Variants in AGBL2 observed in about 807,000 individuals in gnomAD.
The protein encoded by AGBL2 is cytosolic carboxypeptidase 2.
Under a neutral mutation model 103.0 loss-of-function variants are expected in AGBL2, and 87 were observed. The observed-to-expected ratio is 0.84, with a 90% CI of 0.71 to 1.01. The LOEUF is 1.01. Among genes scored for constraint, AGBL2 ranks in the 50% least tolerant of loss-of-function variants. The pLI, the probability that AGBL2 is intolerant of heterozygous loss-of-function variation, is 0.00. For synonymous variants in AGBL2, 335 were observed against 356.7 expected (o/e 0.94, Z 0.69); for missense variants, 904 against 1,023.5 (o/e 0.88, Z 1.59).
At chr11:47,712,967 G>A (rs902662126) in intron 3 of AGBL2, among the ~76,000 whole-genome samples, 5 of 151,480 alleles carry the variant, frequency 3.3e-5, no homozygotes, top group African/African-American at 4.9e-5. Flanking sequence ...GCTTGACCCC[G>A]CGAGGTGGAA....
chr11:47,681,531 G>T (rs2097401139), intron 12 of AGBL2, among the ~76,000 whole-genome samples: 1 of 152,106 alleles, frequency 6.6e-6, no homozygotes, highest in African/African-American at 2.4e-5. Context: ...GCAATGGCAC[G>T]ATCTTGGCTC....
chr11:47,687,640 T>A (rs770783913), intron 10 of AGBL2, among the ~76,000 whole-genome samples: 1 of 152,034 alleles, frequency 6.6e-6, no homozygotes, highest in Non-Finnish European at 1.5e-5. Flanking sequence ...GCTCCCTCTT[T>A]GCCTTCTGCC....
At chr11:47,666,164 T>G (rs2097340716) in intron 17 of AGBL2, among the ~76,000 whole-genome samples, 1 of 151,668 alleles carries the variant, frequency 6.6e-6, no homozygotes, top group South Asian at 2.1e-4. Context: ...GAGGCCAAAG[T>G]GGGTGGATTA....
intron 4 of AGBL2, among the ~76,000 whole-genome samples, chr11:47,708,055 A>G (rs533882230): frequency 2.8e-4 from 43 of 151,358 alleles, no homozygotes; most frequent in Non-Finnish European, 4.4e-4. Flanking sequence ...ATTTGCCACC[A>G]TGTTCAGATT....
intron 8 of AGBL2, 24 bp from the exon 9 acceptor site, chr11:47,692,280 G>C: frequency 6.2e-7 from 1 of 1,610,420 alleles, no homozygotes; most frequent in Non-Finnish European, 8.5e-7. Context: ...ATATATTTAG[G>C]CTAGGTTCTA....
intron 4 of AGBL2, among the ~76,000 whole-genome samples, chr11:47,707,784 TA>T (rs1309152186): frequency 8.5e-5 from 13 of 152,280 alleles, no homozygotes; most frequent in Admixed American, 2.6e-4. Flanking sequence ...TCTCATAATT[TA>T]AAAAAATGGT....
chr11:47,712,119 G>A (rs181285627), intron 3 of AGBL2, among the ~76,000 whole-genome samples: 3 of 152,246 alleles, frequency 2.0e-5, no homozygotes, highest in African/African-American at 7.2e-5. Context: ...ACTTCATATT[G>A]CAAAAGTAAT....
intron 14 of AGBL2, among the ~76,000 whole-genome samples, chr11:47,676,859 A>C (rs1046320621): frequency 6.6e-6 from 1 of 151,160 alleles, no homozygotes; most frequent in East Asian, 1.9e-4. Flanking sequence ...TCAAACCATG[A>C]TATTTCTCTA....
At chr11:47,713,824 C>A (rs1302051213) in intron 3 of AGBL2, among the ~76,000 whole-genome samples, 1 of 151,840 alleles carries the variant, frequency 6.6e-6, no homozygotes, top group Non-Finnish European at 1.5e-5. Flanking sequence ...CTCCTGACCT[C>A]GTGCTCCACC....
At chr11:47,678,343 A>ATTTTTTTTTTTTTTTTTTTTTTTTTT (rs1440515781) in intron 13 of AGBL2, among the ~76,000 whole-genome samples, 3 of 116,872 alleles carry the variant, frequency 2.6e-5, no homozygotes, top group South Asian at 7.2e-4. Context: ...TTATTATTTT[A>ATTTTTTTTTTTTTTTTTTTTTTTTTT]TTTTTTTTGA....
rs184027706 is a variant in AGBL2 at position 47,708,598 on chromosome 11, G to A, written c.232+1779C>T. On this transcript the variant is annotated intron_variant, in intron 4 of 18. Coordinates refer to ENST00000525123, the MANE Select transcript of AGBL2 (RefSeq NM_024783.4). ...TGGGAGGCCAAGGCAGGCGGGTCGCGAGGTCAAGAGATCAAGACCATCCTG... is the reference window on the plus strand; with the variant it reads ...TGGGAGGCCAAGGCAGGCGGGTCGCAAGGTCAAGAGATCAAGACCATCCTG... Among the ~76,000 whole-genome samples, 1,323 of 147,692 alleles carry A rather than the reference G, an allele frequency of 9.0e-3. 24 individuals carry two copies. Among genetic ancestry groups the A allele is most frequent in the African/African-American group, 0.032 (1,263 of 40,086 alleles).
intron 9 of AGBL2, among the ~76,000 whole-genome samples, 170 bp downstream of exon 9, chr11:47,691,933 C>CAA (rs1439019605): frequency 1.3e-5 from 2 of 150,268 alleles, no homozygotes; most frequent in African/African-American, 2.4e-5. Context: ...ATTTAGAAAA[C>CAA]ATTTTATTTT....
chr11:47,665,323 C>T (rs1043881424), intron 17 of AGBL2, among the ~76,000 whole-genome samples: 4 of 151,358 alleles, frequency 2.6e-5, no homozygotes, highest in Non-Finnish European at 5.9e-5. Flanking sequence ...CTGAGATTAC[C>T]GGTATGAGCC....
intron 8 of AGBL2, among the ~76,000 whole-genome samples, chr11:47,695,234 G>A (rs979360116): frequency 7.2e-5 from 11 of 152,076 alleles, no homozygotes; most frequent in Non-Finnish European, 8.8e-5. Flanking sequence ...CAGCACTTTG[G>A]GAGGCTGAGG....
intron 6 of AGBL2, chr11:47,705,111 GA>G (rs1341324870): frequency 6.4e-6 from 1 of 155,798 alleles, no homozygotes; most frequent in Admixed American, 6.5e-5. Context: ...TAGCATTTTA[GA>G]AAAAATTACA....
At chr11:47,704,781 T>G in intron 6 of AGBL2, 53 bp from the exon 7 acceptor site, 7 of 1,423,376 alleles carry the variant, frequency 4.9e-6, no homozygotes, top group Non-Finnish European at 6.9e-6. Flanking sequence ...CCTTGGGAAC[T>G]TTACTGCTCA....
rs1049784675 is a variant in AGBL2 at position 47,692,269 on chromosome 11, G to T, written c.695-13C>A. The T allele has an allele frequency of 2.5e-6, 4 of 1,612,430 alleles. No homozygotes were observed. The highest frequency in any genetic ancestry group is 1.6e-4 in the Middle Eastern group (1 of 6,062). ...CCTTCTATAGGCACTGCAGAGAAAA[G>T]ATATATTTAGGCTAGGTTCTACTCA... On this transcript the variant is annotated splice_polypyrimidine_tract_variant and intron_variant, in intron 8 of 18. Coordinates refer to ENST00000525123, the MANE Select transcript of AGBL2 (RefSeq NM_024783.4).
chr11:47,667,753 C>G, intron 15 of AGBL2, 57 bp from the exon 16 acceptor site: 1 of 1,574,346 alleles, frequency 6.4e-7, no homozygotes, highest in Admixed American at 1.8e-5. Flanking sequence ...GGCCCACCCA[C>G]ATGTGGCACT....
intron 7 of AGBL2, among the ~76,000 whole-genome samples, chr11:47,700,857 C>G (rs180773352): frequency 6.6e-6 from 1 of 151,620 alleles, no homozygotes; most frequent in Admixed American, 6.6e-5. Context: ...GTCAGGAGAT[C>G]GAGACCAGCC....
Sources: allele counts gnomAD v4.1 joint callset (sites outside exome capture counted in the v4.1 genomes callset), GRCh38; gene constraint gnomAD v4.1.1; transcripts MANE v1.5; gene names NCBI Gene and HGNC (gene_info 2026-07-23, HGNC 2026-07-21).